The following DBF4 variants were observed in gnomAD, a reference collection of about 807,000 sequenced individuals.
DBF4 encodes DBF4-CDC7 kinase regulatory subunit.
A neutral mutation model predicts 76.6 loss-of-function variants in DBF4; 25 were observed. The observed-to-expected ratio is 0.33, with a 90% CI of 0.24 to 0.46. The LOEUF is 0.46. Among genes scored for constraint, DBF4 ranks in the 20% least tolerant of loss-of-function variants. The pLI is 1.00. For missense variants in DBF4, 638 were observed against 760.8 expected (o/e 0.84, Z 1.90); for synonymous variants, 213 against 258.0 (o/e 0.83, Z 1.67).
intron 7 of DBF4, 120 bp downstream of exon 7, chr7:87,896,630 G>C: frequency 3.5e-6 from 3 of 868,338 alleles, no homozygotes; most frequent in Non-Finnish European, 5.3e-6. Context: ...CGTCTTTATA[G>C]AACATAGATC....
Position 87,876,755 on chromosome 7 carries a change from T to C in DBF4, c.23T>C (p.Ile8Thr). 6.2e-7 allele frequency: 1 copy of C among 1,614,076 alleles called. No individual in the cohort carries two copies. Among genetic ancestry groups the C allele is most frequent in the East Asian group, 2.2e-5 (1 of 44,858 alleles). Reference sequence around the variant, plus strand: ...GCCATGAACTCCGGAGCCATGAGGATCCACAGTAAAGGACATTTCCAGGGT... The same window carrying C: ...GCCATGAACTCCGGAGCCATGAGGACCCACAGTAAAGGACATTTCCAGGGT... MNSGAMR[I>T]HSKGHFQGGI... The change falls in exon 1 of 12, where the codon ATC becomes ACC. Residue 8 changes from isoleucine (I) to threonine (T), a missense_variant. Coordinates refer to ENST00000265728, the MANE Select transcript of DBF4 (RefSeq NM_006716.4).
chr7:87,909,400 C>T lies in DBF4; in HGVS notation c.*1237C>T, dbSNP rs1839988214. Reference sequence around the variant, plus strand: ...CTTAATTTTTTTGAAATATATGATTCTCAGTACAGGACTAATTCATATGCT... The same window carrying T: ...CTTAATTTTTTTGAAATATATGATTTTCAGTACAGGACTAATTCATATGCT... On this transcript the variant is annotated 3_prime_UTR_variant, in exon 12 of 12. Coordinates refer to ENST00000265728, the MANE Select transcript of DBF4 (RefSeq NM_006716.4). The T allele has an allele frequency of 6.6e-6, 1 of 152,062 alleles. No individual in the cohort carries two copies. The highest frequency in any genetic ancestry group is 2.1e-4 in the South Asian group (1 of 4,822). 9.4% of individuals were successfully genotyped at this position (152,062 alleles called of 1,614,324 possible).
intron 10 of DBF4, among the ~76,000 whole-genome samples, chr7:87,904,088 A>G (rs2131076529): frequency 6.6e-6 from 1 of 152,338 alleles, no homozygotes; most frequent in South Asian, 2.1e-4. Context: ...CTAAAAACCA[A>G]AGTAGTTTTA....
intron 11 of DBF4, among the ~76,000 whole-genome samples, chr7:87,905,141 GT>G (rs1201558734): frequency 1.3e-5 from 2 of 152,144 alleles, no homozygotes; most frequent in Non-Finnish European, 2.9e-5. Flanking sequence ...TGACACTGTA[GT>G]TTAGAAGGAG....
At chr7:87,890,752 A>G (rs1300075697) in intron 6 of DBF4, among the ~76,000 whole-genome samples, 1 of 152,216 alleles carries the variant, frequency 6.6e-6, no homozygotes, top group East Asian at 1.9e-4. Context: ...TCATTCCTTC[A>G]GTAGTAACAA....
Position 87,876,702 on chromosome 7 carries a change from G to T in DBF4, c.-31G>T. Reference sequence around the variant, plus strand: ...GGCTGCCCGGTGCGACACTTTCTCCGGACCCAGCATGTAGGTGCCGGGCGA... The same window carrying T: ...GGCTGCCCGGTGCGACACTTTCTCCTGACCCAGCATGTAGGTGCCGGGCGA... On this transcript the variant is annotated 5_prime_UTR_variant, in exon 1 of 12. Coordinates refer to ENST00000265728, the MANE Select transcript of DBF4 (RefSeq NM_006716.4). 1 of 1,613,394 alleles carries T rather than the reference G, an allele frequency of 6.2e-7. No homozygotes were observed. The highest frequency in any genetic ancestry group is 8.5e-7 in the Non-Finnish European group (1 of 1,179,890).
At chr7:87,895,392 T>A (rs541940906) in intron 6 of DBF4, among the ~76,000 whole-genome samples, 31 of 152,338 alleles carry the variant, frequency 2.0e-4, no homozygotes, top group Admixed American at 2.0e-3. Flanking sequence ...TTTCTGGTTG[T>A]TTACATGTGA....
chr7:87,902,801 GT>G (rs1321056325), intron 10 of DBF4, among the ~76,000 whole-genome samples: 1 of 152,144 alleles, frequency 6.6e-6, no homozygotes, highest in Non-Finnish European at 1.5e-5. Flanking sequence ...AAGTTTGCAA[GT>G]AATGAAGGAA....
intron 3 of DBF4, 85 bp from the exon 4 acceptor site, chr7:87,886,759 A>C: frequency 2.4e-6 from 2 of 839,304 alleles, no homozygotes; most frequent in South Asian, 1.6e-5. Context: ...TGAGACCCAA[A>C]AGTTCTCTTT....
intron 2 of DBF4, among the ~76,000 whole-genome samples, chr7:87,880,461 A>C (rs1485120451): frequency 6.6e-6 from 1 of 152,146 alleles, no homozygotes; most frequent in Non-Finnish European, 1.5e-5. Flanking sequence ...TCTCCTAAAA[A>C]ATGTCTTATT....
In DBF4 at chr7:87,897,323, G is replaced by C. The variant is rs1839667366; in HGVS notation, c.664G>C (p.Val222Leu). 6.2e-7 allele frequency: 1 copy of C among 1,612,628 alleles called. No homozygotes were observed. Among genetic ancestry groups the C allele is most frequent in the South Asian group, 1.1e-5 (1 of 90,972 alleles). ...TGRLKKPFVK[V>L]EDMSQLYRPF... ...AAGACTCAAAAAGCCTTTTGTAAAG[G>C]TGGAAGATATGAGCCAGTAAGTATT... is the stretch of plus-strand genomic sequence containing the variant. The change falls in exon 8 of 12, where the codon GTG becomes CTG. Residue 222 changes from valine (V) to leucine (L), a missense_variant. Coordinates refer to ENST00000265728, the MANE Select transcript of DBF4 (RefSeq NM_006716.4).
rs1267409063 is a variant in DBF4 at position 87,909,231 on chromosome 7, T to C, written c.*1068T>C. 1 of 152,216 alleles carries C rather than the reference T, an allele frequency of 6.6e-6. No homozygotes were observed. The highest frequency in any genetic ancestry group is 6.5e-5 in the Admixed American group (1 of 15,280). 9.4% of individuals were successfully genotyped at this position (152,216 alleles called of 1,614,324 possible). On this transcript the variant is annotated 3_prime_UTR_variant, in exon 12 of 12. Coordinates refer to ENST00000265728, the MANE Select transcript of DBF4 (RefSeq NM_006716.4). ...ATTTGGAGAAGAGAAAATTCAAATA[T>C]AAGAAATTTCAATTTGAATCTGTGG...
At chr7:87,906,467 C>T (rs1839918798) in intron 11 of DBF4, among the ~76,000 whole-genome samples, 1 of 152,032 alleles carries the variant, frequency 6.6e-6, no homozygotes, top group Admixed American at 6.6e-5. Flanking sequence ...TAATCTGTGA[C>T]ATGCGGAACA....
intron 8 of DBF4, among the ~76,000 whole-genome samples, chr7:87,898,890 G>A (rs1186372982): frequency 6.6e-6 from 1 of 151,960 alleles, no homozygotes; most frequent in East Asian, 1.9e-4. Context: ...TTTGGCATTG[G>A]AATAAAGACA....
chr7:87,902,902 G>A (rs1310938623), intron 10 of DBF4, among the ~76,000 whole-genome samples: 1 of 152,108 alleles, frequency 6.6e-6, no homozygotes, highest in East Asian at 1.9e-4. Context: ...TAGAAATTAG[G>A]TTCTTTAATG....
intron 10 of DBF4, among the ~76,000 whole-genome samples, chr7:87,901,879 A>G (rs1839798862): frequency 6.6e-6 from 1 of 152,222 alleles, no homozygotes; most frequent in Admixed American, 6.5e-5. Context: ...TTAAGGGGAA[A>G]GAATAATACT....
At chr7:87,880,868 GT>G (rs1839195317) in intron 2 of DBF4, among the ~76,000 whole-genome samples, 1 of 152,150 alleles carries the variant, frequency 6.6e-6, no homozygotes, top group Non-Finnish European at 1.5e-5. Flanking sequence ...TGTCTAAATA[GT>G]TTTGGCTAAA....
At position 87,908,391 on chromosome 7, in the gene DBF4, A is replaced by G. The variant is rs1304137447; in HGVS notation, c.*228A>G. ...GTTTTACATTATATATATGTTCGTA[A>G]TTGTTTCCTGAGAATTACAATGAAT... On this transcript the variant is annotated 3_prime_UTR_variant, in exon 12 of 12. Coordinates refer to ENST00000265728, the MANE Select transcript of DBF4 (RefSeq NM_006716.4). The G allele has an allele frequency of 3.1e-6, 1 of 320,080 alleles. No homozygotes were observed. The highest frequency in any genetic ancestry group is 2.1e-5 in the African/African-American group (1 of 46,566). 19.8% of individuals were successfully genotyped at this position (320,080 alleles called of 1,614,324 possible).
Position 87,904,388 on chromosome 7 carries a change from T to A in DBF4, c.1021T>A (p.Tyr341Asn). 6.2e-6 allele frequency: 10 copies of A among 1,613,486 alleles called. No homozygotes were observed. Among genetic ancestry groups the A allele is most frequent in the Non-Finnish European group, 8.5e-6 (10 of 1,179,698 alleles). Reference protein sequence around the residue: ...VSKLVFDFVEYEKDTPKKKRI... With the variant: ...VSKLVFDFVENEKDTPKKKRI... ...TAAGTTAGTTTTTGACTTTGTGGAA[T>A]ATGAAAAGGACACACCTAAAAAGAA... Residue 341 changes from tyrosine to asparagine, a missense_variant, in exon 11 of 12, where the codon TAT becomes AAT. By Grantham distance (143) the Tyr-to-Asn change is moderately radical. Coordinates refer to ENST00000265728, the MANE Select transcript of DBF4 (RefSeq NM_006716.4).
Sources: gnomAD v4.1 joint callset for allele counts (sites outside exome capture counted in the v4.1 genomes callset) on GRCh38, gnomAD v4.1.1 for gene constraint, MANE v1.5 for transcripts, NCBI Gene and HGNC (gene_info 2026-07-23, HGNC 2026-07-21) for gene names.